The following CR2 variants were observed in gnomAD, a reference collection of about 807,000 sequenced individuals.
CR2 encodes complement C3d receptor 2.
In CR2, 96 loss-of-function variants were observed where a neutral mutation model predicts 123.0. That is an observed-to-expected ratio of 0.78 (90% CI 0.66 to 0.93). The LOEUF is 0.93. Ranked by LOEUF, CR2 falls within the 40% of genes least tolerant of loss-of-function variation. The probability of loss-of-function intolerance (pLI) is 0.00; values close to 1 mark genes in which losing one functional copy is unlikely to be tolerated. For missense variants in CR2, 1,258 were observed against 1,361.0 expected (o/e 0.92, Z 1.19); for synonymous variants, 484 against 469.5 (o/e 1.03, Z -0.40).
At chr1:207,468,073 T>G (rs939863717) in intron 2 of CR2, among the ~76,000 whole-genome samples, 4 of 152,142 alleles carry the variant, frequency 2.6e-5, no homozygotes, top group Admixed American at 2.6e-4. Flanking sequence ...ATAGTGTAAC[T>G]AAAAATGAAA....
rs142648420 is a variant in CR2, at chr1:207,473,596, C to T, written c.2030C>T (p.Thr677Met). 1.5e-4 allele frequency: 250 copies of T among 1,613,950 alleles called. 1 individual carries two copies. The highest frequency in any genetic ancestry group is 1.3e-3 in the African/African-American group (98 of 75,024). The change falls in exon 11 of 20, where the codon ACG becomes ATG. Residue 677 changes from threonine to methionine, a missense_variant. Physicochemically the swap from Thr to Met is moderately conservative, Grantham distance 81. Coordinates refer to ENST00000367057, the MANE Select transcript of CR2 (RefSeq NM_001006658.3). ...LHHGRHTGGN[T>M]VFFVSGMTVD... is the part of the protein sequence containing the mutation. ...CATGGTCGTCATACAGGTGGAAATA[C>T]GGTCTTCTTTGTCTCTGGGATGACT...
At chr1:207,472,667 C>G in intron 9 of CR2, 105 bp from the exon 10 acceptor site, 6 of 1,168,410 alleles carry the variant, frequency 5.1e-6, no homozygotes, top group Non-Finnish European at 7.5e-6. Context: ...TGTACCCATA[C>G]CGTCCAGGAA....
intron 1 of CR2, among the ~76,000 whole-genome samples, chr1:207,462,462 A>G (rs567378614): frequency 6.6e-6 from 1 of 152,162 alleles, no homozygotes; most frequent in African/African-American, 2.4e-5. Context: ...GATTAAATGG[A>G]TTGGAGCTTA....
At chr1:207,485,359 A>G (rs779588309) in intron 18 of CR2, 105 bp from the exon 19 acceptor site, 98 of 745,588 alleles carry the variant, frequency 1.3e-4, no homozygotes, top group Non-Finnish European at 2.2e-4. Flanking sequence ...AATCATCCAC[A>G]AAAGTACTTA....
Position 207,454,417 on chromosome 1 carries a change from G to T in CR2, c.-2G>T. 6.3e-7 allele frequency: 1 copy of T among 1,581,186 alleles called. No individual in the cohort carries two copies. The highest frequency in any genetic ancestry group is 8.5e-7 in the Non-Finnish European group (1 of 1,170,706). Reference sequence around the variant, plus strand: ...TCCCGCCGCGGGGGCTTCGGCCGTGGCATGGGCGCCGCGGGCCTGCTCGGG... The same window carrying T: ...TCCCGCCGCGGGGGCTTCGGCCGTGTCATGGGCGCCGCGGGCCTGCTCGGG... On this transcript the variant is annotated 5_prime_UTR_variant, in exon 1 of 20. Coordinates refer to ENST00000367057, the MANE Select transcript of CR2 (RefSeq NM_001006658.3). This position sits in a 1 kb window ranked among gnomAD's most constrained non-coding sequence, Gnocchi z 4.3.
At chr1:207,460,948 G>A (rs1657949330) in intron 1 of CR2, among the ~76,000 whole-genome samples, 1 of 152,042 alleles carries the variant, frequency 6.6e-6, no homozygotes, top group Admixed American at 6.6e-5. Context: ...TAATAGCTAA[G>A]ATAGTTATGT....
chr1:207,482,710 T>G (rs996388745), intron 18 of CR2, among the ~76,000 whole-genome samples: 2 of 152,110 alleles, frequency 1.3e-5, no homozygotes, highest in Non-Finnish European at 1.5e-5. Context: ...ATGGTCAATA[T>G]TTGGGAGTTT....
intron 18 of CR2, among the ~76,000 whole-genome samples, chr1:207,483,231 C>G (rs867563326): frequency 2.6e-5 from 4 of 152,170 alleles, no homozygotes; most frequent in Non-Finnish European, 5.9e-5. Context: ...CTTTCACGTG[C>G]CAAGTCCCCT....
At chr1:207,488,336 A>T (rs1055336906) in intron 19 of CR2, among the ~76,000 whole-genome samples, 3 of 152,184 alleles carry the variant, frequency 2.0e-5, no homozygotes, top group Admixed American at 6.5e-5. Flanking sequence ...CTAGAAAATA[A>T]AGATACCAGC....
chr1:207,468,567 T>C lies in CR2; in HGVS notation c.486T>C (p.Asn162=). ...LECPALPMIH[N]GHHTSENVGS... is the part of the protein sequence containing the mutation. ...GTCCAGCACTTCCTATGATCCACAA[T>C]GGACATCACACAAGTGAGAATGTTG... The change falls in exon 3 of 20, where the codon AAT becomes AAC. Residue 162 remains asparagine, a synonymous_variant. Transcript: ENST00000367057. The C allele has an allele frequency of 6.2e-7, 1 of 1,613,980 alleles. No individual in the cohort carries two copies. The highest frequency in any genetic ancestry group is 2.2e-5 in the East Asian group (1 of 44,880).
rs765812618 is a variant in CR2, at chr1:207,471,500, G to A, written c.1570+1G>A. 2 of 1,601,390 alleles carry A rather than the reference G, an allele frequency of 1.2e-6. No homozygotes were observed. Among genetic ancestry groups the A allele is most frequent in the South Asian group, 1.1e-5 (1 of 90,814 alleles). ...TTTATGGAGATTCGTCTTTGTAAAG[G>A]TGAGTAGCAAAAATGATATAGGAGC... On this transcript the variant is annotated splice_donor_variant, in intron 9 of 19. Coordinates refer to ENST00000367057, the MANE Select transcript of CR2 (RefSeq NM_001006658.3). LOFTEE classifies it high-confidence loss of function.
chr1:207,462,083 A>G (rs936013233), intron 1 of CR2, among the ~76,000 whole-genome samples: 7 of 152,182 alleles, frequency 4.6e-5, no homozygotes, highest in African/African-American at 1.7e-4. Flanking sequence ...ATATTACCTC[A>G]TCCTCATCCC....
intron 19 of CR2, among the ~76,000 whole-genome samples, chr1:207,485,894 G>A (rs1558199493): frequency 6.6e-6 from 1 of 152,140 alleles, no homozygotes. Context: ...CGCAAGGGAA[G>A]CTCTTACTAA....
rs145927056 is a variant in CR2, at chr1:207,482,485, C to T, written c.3188+2432C>T. On this transcript the variant is annotated intron_variant, in intron 18 of 19. Transcript: ENST00000367057. Reference sequence around the variant, plus strand: ...GAAGTCATGCGAAAAGAGGAATGACCACGTCCATCCATTCTTTTCTTATAC... The same window carrying T: ...GAAGTCATGCGAAAAGAGGAATGACTACGTCCATCCATTCTTTTCTTATAC... 5.6e-3 allele frequency among the ~76,000 whole-genome samples: 846 copies of T among 152,068 alleles called. 8 individuals are homozygous for T. Among genetic ancestry groups the T allele is most frequent in the African/African-American group, 0.02 (830 of 41,474 alleles).
chr1:207,472,984 C>G lies in CR2; in HGVS notation c.1783C>G (p.Leu595Val). 6.2e-7 allele frequency: 1 copy of G among 1,614,010 alleles called. No individual in the cohort carries two copies. The highest frequency in any genetic ancestry group is 8.5e-7 in the Non-Finnish European group (1 of 1,179,946). Reference sequence around the variant, plus strand: ...GAGTGGCCCTGCTCCCCTGTGTAAACTTTCCCTCCTTGCTGTCCAGTGCTC... The same window carrying G: ...GAGTGGCCCTGCTCCCCTGTGTAAAGTTTCCCTCCTTGCTGTCCAGTGCTC... ...TWSGPAPLCK[L>V]SLLAVQCSHV... The change falls in exon 10 of 20, where the codon CTT (leucine) becomes GTT (valine). Residue 595 changes from leucine (L) to valine (V), a missense_variant. Coordinates refer to ENST00000367057, the MANE Select transcript of CR2 (RefSeq NM_001006658.3).
intron 16 of CR2, 29 bp downstream of exon 16, chr1:207,478,099 G>GT (rs1275821542): frequency 1.2e-6 from 2 of 1,607,164 alleles, no homozygotes; most frequent in Non-Finnish European, 1.7e-6. Flanking sequence ...ACCGCCGCTT[G>GT]TAACTGGCTA....
At position 207,454,691 on chromosome 1, in the gene CR2, G is replaced by T; in HGVS notation, c.58+215G>T. 2.0e-6 allele frequency: 1 copy of T among 499,582 alleles called. No homozygotes were observed. The highest frequency in any genetic ancestry group is 3.5e-6 in the Non-Finnish European group (1 of 283,146). 30.9% of individuals were successfully genotyped at this position (499,582 alleles called of 1,614,324 possible). A position where few individuals can be genotyped will look rare whatever the true frequency, so the allele number is the denominator to read the frequency against. The stretch of plus-strand genomic sequence containing the variant: ...GGGAGCTGGGACCTCCAGAATTGGA[G>T]GCTGCGCCACAGAGGGGCGCTGTCT... On this transcript the variant is annotated intron_variant, in intron 1 of 19. Coordinates refer to ENST00000367057, the MANE Select transcript of CR2 (RefSeq NM_001006658.3). The surrounding 1 kb of genome is among the most constrained non-coding windows in gnomAD (Gnocchi z 4.3).
At position 207,466,097 on chromosome 1, in the gene CR2, G is replaced by A. The variant is rs187750195; in HGVS notation, c.59-429G>A. Among the ~76,000 whole-genome samples, 3 of 152,312 alleles carry A rather than the reference G, an allele frequency of 2.0e-5. No individual in the cohort carries two copies. The East Asian group carries it at 5.8e-4, about 29-fold the overall frequency. ...ACTAAGAAACTGAAGCTTAAAGAGA[G>A]TAAGACTTGCCTGAGGTCACACAGC... On this transcript the variant is annotated intron_variant, in intron 1 of 19. Coordinates refer to ENST00000367057, the MANE Select transcript of CR2 (RefSeq NM_001006658.3).
At chr1:207,474,632 G>A (rs1490993927) in intron 13 of CR2, among the ~76,000 whole-genome samples, 192 bp from the exon 14 acceptor site, 2 of 151,914 alleles carry the variant, frequency 1.3e-5, no homozygotes, top group East Asian at 3.9e-4. Flanking sequence ...GAATTTTTAT[G>A]GAGTATATAG....
Sources: gnomAD v4.1 joint callset for allele counts (sites outside exome capture counted in the v4.1 genomes callset) on GRCh38, gnomAD v4.1.1 for gene constraint, Gnocchi (gnomAD v3.1) non-coding constraint, MANE v1.5 for transcripts, NCBI Gene and HGNC (gene_info 2026-07-23, HGNC 2026-07-21) for gene names.